The following CAMTA1 variants were observed in gnomAD, a reference collection of about 807,000 sequenced individuals.
CAMTA1 encodes the protein calmodulin-binding transcription activator 1.
Under a neutral mutation model 170.9 loss-of-function variants are expected in CAMTA1, and 27 were observed. That is an observed-to-expected ratio of 0.16 (90% CI 0.12 to 0.22). The LOEUF is 0.22. Among genes scored for constraint, CAMTA1 ranks in the 10% least tolerant of loss-of-function variants. The pLI is 1.00. For synonymous variants in CAMTA1, 833 were observed against 891.5 expected, an observed-to-expected ratio of 0.93 and a Z score of 1.17; for missense variants, 1,619 against 2,217.2, an observed-to-expected ratio of 0.73 and a Z score of 5.42.
intron 5 of CAMTA1, among the ~76,000 whole-genome samples, chr1:7,282,965 A>T (rs1280549844): frequency 1.3e-5 from 2 of 152,198 alleles, no homozygotes; most frequent in East Asian, 3.9e-4. Context: ...CGCAAGATTC[A>T]TGTAGGATGA....
chr1:7,215,007 C>T (rs1659501257), intron 4 of CAMTA1, among the ~76,000 whole-genome samples: 1 of 152,042 alleles, frequency 6.6e-6, no homozygotes, highest in Admixed American at 6.6e-5. Context: ...TCTGGGTTCT[C>T]TATTCTATTG....
intron 5 of CAMTA1, among the ~76,000 whole-genome samples, chr1:7,291,574 G>A (rs946520447): frequency 2.0e-5 from 3 of 152,262 alleles, no homozygotes; most frequent in Non-Finnish European, 4.4e-5. Context: ...ATTAAGCGCT[G>A]CTGGGAGATC....
chr1:7,627,289 C>G (rs910992244), intron 6 of CAMTA1, among the ~76,000 whole-genome samples: 1 of 152,150 alleles, frequency 6.6e-6, no homozygotes, highest in Admixed American at 6.5e-5. Context: ...TTAACTTTAC[C>G]TAGATGGGCT....
chr1:7,512,294 G>A (rs1283070225), intron 6 of CAMTA1, among the ~76,000 whole-genome samples: 1 of 152,218 alleles, frequency 6.6e-6, no homozygotes, highest in Non-Finnish European at 1.5e-5. Context: ...CATGTGGAAG[G>A]TATCAGTGTT....
rs185367143 is a variant in CAMTA1, at chr1:6,918,793, C to T, written c.234+93583C>T. Among the ~76,000 whole-genome samples, 169 of 152,306 alleles carry T rather than the reference C, an allele frequency of 1.1e-3. 1 individual carries two copies. Among genetic ancestry groups the T allele is most frequent in the African/African-American group, 3.9e-3 (163 of 41,558 alleles). On this transcript the variant is annotated intron_variant, in intron 3 of 22. Transcript: ENST00000303635. This position sits in a 1 kb window ranked among gnomAD's most constrained non-coding sequence, Gnocchi z 4.0. ...AGTCATGCCCACCGCGTTCCCCCAG[C>T]CTGTCACCCTGTGGCTGGAGGGTGG...
intron 6 of CAMTA1, among the ~76,000 whole-genome samples, chr1:7,546,213 C>A (rs907491452): frequency 1.3e-5 from 2 of 152,192 alleles, no homozygotes; most frequent in Admixed American, 6.5e-5. Context: ...ACCTCAGCCT[C>A]CCAAAGTGCT....
intron 6 of CAMTA1, among the ~76,000 whole-genome samples, chr1:7,578,152 C>T (rs1414371837): frequency 3.3e-5 from 5 of 152,058 alleles, no homozygotes. Context: ...TTTTTTTCTC[C>T]CTACACACCC....
At position 7,523,153 on chromosome 1, in the gene CAMTA1, CA is replaced by C. The variant is rs376600489; in HGVS notation, c.510+55253del. ...AAGTTCTGGGATTACAGGCGTGAGC[CA>C]CCGTGTCTGGCCCTGTTGATCTATT... On this transcript the variant is annotated intron_variant, in intron 6 of 22. Transcript: ENST00000303635. 4.8e-3 allele frequency among the ~76,000 whole-genome samples: 727 copies of C among 152,364 alleles called. 7 individuals are homozygous for C. Among genetic ancestry groups the C allele is most frequent in the African/African-American group, 0.017 (703 of 41,572 alleles).
Position 7,629,278 on chromosome 1 carries a change from A to G in CAMTA1, c.511-11122A>G, listed in dbSNP as rs1488923339. Among the ~76,000 whole-genome samples, 2 of 152,196 alleles carry G rather than the reference A, an allele frequency of 1.3e-5. 1 individual carries two copies. Among genetic ancestry groups the G allele is most frequent in the East Asian group, 3.9e-4 (2 of 5,194 alleles). On this transcript the variant is annotated intron_variant, in intron 6 of 22. Transcript: ENST00000303635. ...CAGTCCAGCTGACACTCGCAGCCCC[A>G]GATTCCACCCTGGTGGGGGCACCGG...
intron 3 of CAMTA1, among the ~76,000 whole-genome samples, chr1:6,849,063 G>C (rs1557690934): frequency 6.6e-6 from 1 of 152,238 alleles, no homozygotes; most frequent in East Asian, 1.9e-4. Context: ...TCTGCTTTTA[G>C]GCAGATAAGG....
At chr1:6,930,301 A>G (rs1398360683) in intron 3 of CAMTA1, among the ~76,000 whole-genome samples, 1 of 152,120 alleles carries the variant, frequency 6.6e-6, no homozygotes, top group Admixed American at 6.5e-5. Context: ...TGTTCCCACC[A>G]TTGTACACCG....
In CAMTA1 at chr1:7,663,717, G is replaced by A; in HGVS notation, c.1170G>A (p.Met390Ile). ...GVSGMAVASVMGSLSQSATVF... is the reference protein window; with the variant it reads ...GVSGMAVASVIGSLSQSATVF... ...CCGGTATGGCGGTGGCCTCTGTGATGGGGAGCTTGTCCCAGAGCGCCACGG... is the reference window on the plus strand; with the variant it reads ...CCGGTATGGCGGTGGCCTCTGTGATAGGGAGCTTGTCCCAGAGCGCCACGG... The change falls in exon 9 of 23, where the codon ATG becomes ATA. Residue 390 changes from methionine (M) to isoleucine (I), a missense_variant. Physicochemically the swap from Met to Ile is conservative, Grantham distance 10 (BLOSUM62 1). This residue lies in a region of CAMTA1 where 731 missense variants were observed against 907.6 expected (regional missense o/e 0.81). Coordinates refer to ENST00000303635, the MANE Select transcript of CAMTA1 (RefSeq NM_015215.4). 1.9e-6 allele frequency: 3 copies of A among 1,613,976 alleles called. No homozygotes were observed. Among genetic ancestry groups the A allele is most frequent in the Non-Finnish European group, 2.5e-6 (3 of 1,179,968 alleles).
intron 3 of CAMTA1, among the ~76,000 whole-genome samples, chr1:7,020,768 G>C (rs1195775101): frequency 6.6e-6 from 1 of 152,216 alleles, no homozygotes; most frequent in Admixed American, 6.5e-5. Context: ...CAGAGACAGA[G>C]CTGGAGAGGG....
At chr1:7,034,171 T>G (rs1244604438) in intron 3 of CAMTA1, among the ~76,000 whole-genome samples, 2 of 138,122 alleles carry the variant, frequency 1.4e-5, no homozygotes, top group Non-Finnish European at 3.2e-5. Flanking sequence ...TTTATTTGTT[T>G]GTTTGAGACA....
chr1:7,654,652 CTATACACACACA>C (rs1300460673), intron 7 of CAMTA1, among the ~76,000 whole-genome samples: 1 of 74,702 alleles, frequency 1.3e-5, no homozygotes, highest in African/African-American at 4.4e-5. Flanking sequence ...AAGCACACAC[CTATACACACACA>C]CCTATACACA....
chr1:7,727,116 T>C (rs1363616136), intron 11 of CAMTA1, among the ~76,000 whole-genome samples: 2 of 145,378 alleles, frequency 1.4e-5, no homozygotes, highest in East Asian at 3.9e-4. Context: ...CTCTGCCTTG[T>C]ATTAATTTTT....
At chr1:7,197,368 G>A (rs1027164291) in intron 4 of CAMTA1, among the ~76,000 whole-genome samples, 12 of 152,132 alleles carry the variant, frequency 7.9e-5, no homozygotes, top group Admixed American at 3.3e-4. Flanking sequence ...AGCAAGACCT[G>A]TGGCCAGAGC....
Position 7,634,458 on chromosome 1 carries a change from G to C in CAMTA1, c.511-5942G>C, listed in dbSNP as rs1258403609. On this transcript the variant is annotated intron_variant, in intron 6 of 22. Coordinates refer to ENST00000303635, the MANE Select transcript of CAMTA1 (RefSeq NM_015215.4). This position sits in a 1 kb window ranked among gnomAD's most constrained non-coding sequence, Gnocchi z 6.2. Reference sequence around the variant, plus strand: ...GGGGATTTTGAGGCCTTCGAGGGGTGCCGTCAACAGGCAGGTAGGCAAGAG... The same window carrying C: ...GGGGATTTTGAGGCCTTCGAGGGGTCCCGTCAACAGGCAGGTAGGCAAGAG... Among the ~76,000 whole-genome samples, 2 of 152,090 alleles carry C rather than the reference G, an allele frequency of 1.3e-5. No individual in the cohort carries two copies. The highest frequency in any genetic ancestry group is 4.8e-5 in the African/African-American group (2 of 41,416).
intron 3 of CAMTA1, among the ~76,000 whole-genome samples, chr1:6,981,362 A>AT (rs1414054723): frequency 2.0e-5 from 3 of 152,104 alleles, no homozygotes; most frequent in Non-Finnish European, 4.4e-5. Flanking sequence ...CAATTTACAG[A>AT]TTTTTACTTA....
Sources: gnomAD v4.1 joint callset for allele counts (sites outside exome capture counted in the v4.1 genomes callset) on GRCh38, gnomAD v4.1.1 for gene constraint, gnomAD v4.1.1 regional missense constraint, Gnocchi (gnomAD v3.1) non-coding constraint, MANE v1.5 for transcripts, NCBI Gene and HGNC (gene_info 2026-07-23, HGNC 2026-07-21) for gene names.